Variants in CEP350 observed in about 807,000 individuals in gnomAD.
CEP350 encodes centrosomal protein 350, also known as centrosome-associated protein 350.
In CEP350, 126 loss-of-function variants were observed where a neutral mutation model predicts 331.8. The observed-to-expected ratio is 0.38, with a 90% CI of 0.33 to 0.44. CEP350 has a LOEUF of 0.44. CEP350 is among the 20% of genes least tolerant of loss of function. The pLI is 1.00. For missense variants in CEP350, 3,406 were observed against 3,634.6 expected, an observed-to-expected ratio of 0.94 and a Z score of 1.62; for synonymous variants, 1,200 against 1,259.5, an observed-to-expected ratio of 0.95 and a Z score of 1.00.
chr1:180,062,387 A>G (rs746925825), intron 26 of CEP350, 21 bp downstream of exon 26: 6 of 1,567,996 alleles, frequency 3.8e-6, no homozygotes, highest in Non-Finnish European at 5.2e-6. Context: ...TGAAGTTATT[A>G]TTTGTTTCCT....
chr1:180,103,482 C>G (rs1401752916), intron 37 of CEP350, among the ~76,000 whole-genome samples: 3 of 152,058 alleles, frequency 2.0e-5, no homozygotes, highest in Admixed American at 6.6e-5. Context: ...TCTTTTTTAA[C>G]TTTTATATCA....
At chr1:179,989,029 T>C (rs1652853128) in intron 3 of CEP350, among the ~76,000 whole-genome samples, 1 of 152,152 alleles carries the variant, frequency 6.6e-6, no homozygotes, top group Non-Finnish European at 1.5e-5. Flanking sequence ...TAGTTGTTTT[T>C]CAAAACTATT....
intron 14 of CEP350, among the ~76,000 whole-genome samples, chr1:180,029,570 T>C (rs1451450300): frequency 6.6e-6 from 1 of 152,176 alleles, no homozygotes; most frequent in African/African-American, 2.4e-5. Flanking sequence ...ACTTCAGAAC[T>C]TTCTCAGTTT....
In CEP350 at chr1:180,036,927, T is replaced by C; in HGVS notation, c.3948T>C (p.Gly1316=). ...TTTENMAPIP[G]SKRFSPAGLH... is the part of the protein sequence containing the mutation. ...TTTGACCATTGTCATGCCTTCCAGGTTCTAAGCGCTTTTCTCCTGCTGGCC... is the reference window on the plus strand; with the variant it reads ...TTTGACCATTGTCATGCCTTCCAGGCTCTAAGCGCTTTTCTCCTGCTGGCC... The change falls in exon 17 of 38, where the codon GGT becomes GGC. Residue 1316 remains glycine (G), a splice_region_variant and synonymous_variant. Coordinates refer to ENST00000367607, the MANE Select transcript of CEP350 (RefSeq NM_014810.5). 1 of 1,557,086 alleles carries C rather than the reference T, an allele frequency of 6.4e-7. No homozygotes were observed. The highest frequency in any genetic ancestry group is 8.7e-7 in the Non-Finnish European group (1 of 1,153,960).
intron 37 of CEP350, among the ~76,000 whole-genome samples, chr1:180,100,780 G>A (rs1056995682): frequency 6.6e-6 from 1 of 152,296 alleles, no homozygotes; most frequent in East Asian, 1.9e-4. Context: ...CATGGCAGCA[G>A]TAAGAGAAAA....
intron 37 of CEP350, 146 bp downstream of exon 37, chr1:180,099,131 C>G (rs1660651264): frequency 1.3e-6 from 1 of 767,398 alleles, no homozygotes; most frequent in Non-Finnish European, 2.0e-6. Context: ...CATTTCTACC[C>G]CTCAGTTTTG....
At chr1:180,028,912 C>G (rs1042849212) in intron 14 of CEP350, among the ~76,000 whole-genome samples, 8 of 152,142 alleles carry the variant, frequency 5.3e-5, no homozygotes, top group African/African-American at 1.4e-4. Flanking sequence ...GTATAGGTAG[C>G]ATTTTGTGGC....
intron 22 of CEP350, among the ~76,000 whole-genome samples, chr1:180,051,777 T>C (rs1286934755): frequency 6.6e-6 from 1 of 152,160 alleles, no homozygotes; most frequent in African/African-American, 2.4e-5. Context: ...AAATGGTGTC[T>C]TGAGTGGAAA....
intron 11 of CEP350, among the ~76,000 whole-genome samples, chr1:180,017,180 A>G (rs1295339677): frequency 6.6e-6 from 1 of 152,220 alleles, no homozygotes; most frequent in African/African-American, 2.4e-5. Context: ...AGGTCAAAAC[A>G]TTAATGATAG....
intron 14 of CEP350, among the ~76,000 whole-genome samples, chr1:180,027,717 CT>C (rs1655773456): frequency 6.6e-6 from 1 of 152,296 alleles, no homozygotes; most frequent in East Asian, 1.9e-4. Context: ...TTATTTAACT[CT>C]TTCCCCATTG....
At chr1:180,053,299 G>A (rs560555299) in intron 23 of CEP350, 133 bp downstream of exon 23, 79 of 523,830 alleles carry the variant, frequency 1.5e-4, no homozygotes, top group Non-Finnish European at 2.4e-4. Context: ...TTATTTTATA[G>A]TTTTCCTATG....
In CEP350 at chr1:180,019,968, A is replaced by G; in HGVS notation, c.2194A>G (p.Thr732Ala). 6.2e-7 allele frequency: 1 copy of G among 1,605,772 alleles called. No individual in the cohort carries two copies. The highest frequency in any genetic ancestry group is 8.5e-7 in the Non-Finnish European group (1 of 1,176,676). The change falls in exon 12 of 38, where the codon ACA (threonine) becomes GCA (alanine). Residue 732 changes from threonine to alanine, a missense_variant. Physicochemically the swap from Thr to Ala is moderately conservative, Grantham distance 58. Transcript: ENST00000367607. ...PLARKDLMESTWMQPERLSPQ... is the reference protein window; with the variant it reads ...PLARKDLMESAWMQPERLSPQ... ...TTCCAGAAAAGACTTGATGGAATCT[A>G]CATGGATGCAGCCTGAAAGATTGAG...
intron 19 of CEP350, 98 bp downstream of exon 19, chr1:180,041,900 A>G (rs572101088): frequency 1.4e-5 from 16 of 1,133,368 alleles, no homozygotes; most frequent in African/African-American, 1.1e-4. Context: ...TAGTAAATGC[A>G]TACTTTGAAT....
At chr1:180,090,665 GTTA>G in intron 32 of CEP350, 46 bp from the exon 33 acceptor site, 1 of 1,480,760 alleles carries the variant, frequency 6.8e-7, no homozygotes, top group Non-Finnish European at 9.0e-7. Flanking sequence ...TTTGTTACCA[GTTA>G]TTATAGTAAT....
At chr1:180,008,402 C>T (rs981403082) in intron 8 of CEP350, among the ~76,000 whole-genome samples, 1 of 151,790 alleles carries the variant, frequency 6.6e-6, no homozygotes, top group Non-Finnish European at 1.5e-5. Context: ...GTTAATACCC[C>T]AAAGCACTCA....
chr1:180,028,943 A>C (rs2148868237), intron 14 of CEP350, among the ~76,000 whole-genome samples: 1 of 152,306 alleles, frequency 6.6e-6, no homozygotes, highest in African/African-American at 2.4e-5. Flanking sequence ...CCTAATCCTC[A>C]CCGGCAATAC....
chr1:180,089,685 G>A (rs896022460), intron 32 of CEP350, among the ~76,000 whole-genome samples: 2 of 152,152 alleles, frequency 1.3e-5, no homozygotes, highest in Admixed American at 6.5e-5. Context: ...TTGGGTCAAG[G>A]TTTCATTAAT....
rs1167215738 is a variant in CEP350 at position 180,111,198 on chromosome 1, G to A, written c.*37G>A. 22 of 1,604,562 alleles carry A rather than the reference G, an allele frequency of 1.4e-5. No individual in the cohort carries two copies. In the Admixed American group the frequency reaches 2.9e-4, roughly 21 times the overall value. ...TAAATCGAACGCTGAGTGCTAATGT[G>A]AGTCCTGGGCCTTTCTGCCTCCTGA... On this transcript the variant is annotated 3_prime_UTR_variant, in exon 38 of 38. Coordinates refer to ENST00000367607, the MANE Select transcript of CEP350 (RefSeq NM_014810.5).
chr1:180,004,884 TTGCTTGCTTGCTTGCTTG>T (rs1558092960), intron 7 of CEP350, among the ~76,000 whole-genome samples: 17 of 71,058 alleles, frequency 2.4e-4, no homozygotes, highest in South Asian at 1.3e-3. Context: ...GCTTGCTTGC[TTGCTTGCTTGCTTGCTTG>T]CTTGCTTTCT....
Sources: gnomAD v4.1 joint callset for allele counts (sites outside exome capture counted in the v4.1 genomes callset) on GRCh38, gnomAD v4.1.1 for gene constraint, MANE v1.5 for transcripts, NCBI Gene and HGNC (gene_info 2026-07-23, HGNC 2026-07-21) for gene names.